The following ACSBG2 variants were observed in gnomAD, a reference collection of about 807,000 sequenced individuals.
ACSBG2 encodes the protein long-chain-fatty-acid--CoA ligase ACSBG2.
Under a neutral mutation model 74.7 loss-of-function variants are expected in ACSBG2, and 62 were observed. The ratio of observed to expected loss-of-function variants is 0.83; its 90% CI spans 0.68 to 1.03. The LOEUF (loss-of-function observed/expected upper bound fraction) is 1.03. Among genes scored for constraint, ACSBG2 ranks in the 50% least tolerant of loss-of-function variants. The pLI is 0.00. For missense variants in ACSBG2, 730 were observed against 817.6 expected (o/e 0.89, Z 1.31); for synonymous variants, 309 against 294.1 (o/e 1.05, Z -0.52).
At chr19:6,164,432 GC>G (rs1301933785) in intron 6 of ACSBG2, among the ~76,000 whole-genome samples, 20 of 143,388 alleles carry the variant, frequency 1.4e-4, no homozygotes, top group Middle Eastern at 3.7e-3. Context: ...ACTTTGAGGG[GC>G]CTTTTTTTTT....
chr19:6,188,780 AG>A (rs1335309127), intron 13 of ACSBG2, among the ~76,000 whole-genome samples: 1 of 151,526 alleles, frequency 6.6e-6, no homozygotes, highest in African/African-American at 2.4e-5. Context: ...CTGGAAAATT[AG>A]AGTCATTGAT....
chr19:6,182,548 G>A (rs965274835), intron 8 of ACSBG2, among the ~76,000 whole-genome samples: 3 of 152,162 alleles, frequency 2.0e-5, no homozygotes, highest in African/African-American at 7.2e-5. Flanking sequence ...ACCAGTTTAT[G>A]CCTCTCATCA....
At chr19:6,148,594 G>A (rs1318608973) in intron 3 of ACSBG2, among the ~76,000 whole-genome samples, 4 of 151,688 alleles carry the variant, frequency 2.6e-5, no homozygotes. Flanking sequence ...GCAATGACCT[G>A]TGATTGCACC....
intron 2 of ACSBG2, among the ~76,000 whole-genome samples, chr19:6,145,910 A>G (rs1406893148): frequency 6.6e-6 from 1 of 152,090 alleles, no homozygotes; most frequent in East Asian, 1.9e-4. Flanking sequence ...CTACTTCTTC[A>G]CATTTGCTCC....
intron 1 of ACSBG2, among the ~76,000 whole-genome samples, chr19:6,139,477 A>G (rs1568213111): frequency 6.6e-6 from 1 of 152,192 alleles, no homozygotes; most frequent in East Asian, 1.9e-4. Context: ...AATCACGTGC[A>G]TGTTACAGGG....
At chr19:6,149,473 T>TCAGAA (rs1191099737) in intron 3 of ACSBG2, among the ~76,000 whole-genome samples, 1 of 151,062 alleles carries the variant, frequency 6.6e-6, no homozygotes, top group African/African-American at 2.4e-5. Context: ...TCACCCACAT[T>TCAGAA]CAGAACAAGT....
intron 12 of ACSBG2, 69 bp from the exon 13 acceptor site, chr19:6,187,530 T>G: frequency 1.2e-6 from 2 of 1,606,036 alleles, no homozygotes; most frequent in South Asian, 2.2e-5. Flanking sequence ...GACCCACTTC[T>G]TGGTCTGTGG....
chr19:6,168,297 C>T (rs1032033673), intron 7 of ACSBG2, among the ~76,000 whole-genome samples: 2 of 152,156 alleles, frequency 1.3e-5, no homozygotes, highest in South Asian at 2.1e-4. Flanking sequence ...CAGCTTGTTC[C>T]CTCCCCTCCT....
intron 8 of ACSBG2, 78 bp from the exon 9 acceptor site, chr19:6,182,673 T>G: frequency 7.1e-7 from 1 of 1,400,882 alleles, no homozygotes; most frequent in Non-Finnish European, 9.8e-7. Flanking sequence ...TTGGGCAAAG[T>G]TGGGTGGATC....
In ACSBG2 at chr19:6,161,308, G is replaced by C. The variant is rs767368272; in HGVS notation, c.588+13G>C. On this transcript the variant is annotated intron_variant, in intron 6 of 14. Transcript: ENST00000588485. Reference sequence around the variant, plus strand: ...CAACTTGTACTCTGTAAGTGTGGGAGGTGGGCACTGGGGAAAGGGGAGGGC... The same window carrying C: ...CAACTTGTACTCTGTAAGTGTGGGACGTGGGCACTGGGGAAAGGGGAGGGC... 4.3e-6 allele frequency: 7 copies of C among 1,610,594 alleles called. No individual in the cohort carries two copies. In the East Asian group the frequency reaches 1.6e-4, roughly 36 times the overall value.
At chr19:6,136,265 G>A (rs1599959223) in intron 1 of ACSBG2, among the ~76,000 whole-genome samples, 1 of 151,842 alleles carries the variant, frequency 6.6e-6, no homozygotes, top group Non-Finnish European at 1.5e-5. Context: ...CTAATTTTTT[G>A]TATTTTTTAG....
At chr19:6,154,436 ATT>A (rs1225186609) in intron 4 of ACSBG2, among the ~76,000 whole-genome samples, 22 of 23,234 alleles carry the variant, frequency 9.5e-4, no homozygotes, top group South Asian at 7.3e-3. Flanking sequence ...GAGAGAGAAA[ATT>A]ATTATTATAT....
intron 7 of ACSBG2, 96 bp downstream of exon 7, chr19:6,166,111 A>C: frequency 1.3e-6 from 2 of 1,482,772 alleles, no homozygotes; most frequent in Non-Finnish European, 1.8e-6. Flanking sequence ...TCTAGTACGC[A>C]GTGTGGCTCC....
At position 6,151,732 on chromosome 19, in the gene ACSBG2, T is replaced by A; in HGVS notation, c.323T>A (p.Val108Asp). ...CTGGGTTTGGAGCGTTTCCACGGAG[T>A]TGGTATCCTGGGGTTTAACTCTGCA... ...IKLGLERFHGVGILGFNSAEW... is the reference protein window; with the variant it reads ...IKLGLERFHGDGILGFNSAEW... The change falls in exon 4 of 15, where the codon GTT (valine) becomes GAT (aspartate). Residue 108 changes from valine (V) to aspartate (D), a missense_variant. By Grantham distance (152) the Val-to-Asp change is radical. Coordinates refer to ENST00000588485, the MANE Select transcript of ACSBG2 (RefSeq NM_030924.5). The A allele has an allele frequency of 6.2e-7, 1 of 1,602,790 alleles. No homozygotes were observed. The highest frequency in any genetic ancestry group is 8.5e-7 in the Non-Finnish European group (1 of 1,174,434).
At chr19:6,183,324 G>T (rs191053316) in intron 10 of ACSBG2, 52 bp downstream of exon 10, 77 of 1,520,930 alleles carry the variant, frequency 5.1e-5, no homozygotes, top group Non-Finnish European at 6.5e-5. Flanking sequence ...GGGGTCAAGA[G>T]GGGGAAGGTG....
chr19:6,176,451 A>G lies in ACSBG2; in HGVS notation c.739-778A>G, dbSNP rs938093577. On this transcript the variant is annotated intron_variant, in intron 7 of 14. Coordinates refer to ENST00000588485, the MANE Select transcript of ACSBG2 (RefSeq NM_030924.5). ...TCCTGCCATCCACGTGATCTGTAAC[A>G]TAAGGGACAATCCAAGGTGCCTTAT... 6.6e-6 allele frequency: 9 copies of G among 1,371,578 alleles called. No homozygotes were observed. The African/African-American group carries it at 1.1e-4, about 16-fold the overall frequency. The allele number at this position is 1,371,578 out of a possible 1,614,324, so 85.0% of individuals were successfully genotyped here. A position where few individuals can be genotyped will look rare whatever the true frequency, so the allele number is the denominator to read the frequency against.
At chr19:6,149,008 G>A (rs957579519) in intron 3 of ACSBG2, among the ~76,000 whole-genome samples, 2 of 152,140 alleles carry the variant, frequency 1.3e-5, no homozygotes, top group African/African-American at 2.4e-5. Flanking sequence ...TCAGGAAGCT[G>A]AGGCAGGAGA....
At chr19:6,179,085 G>C (rs546796498) in intron 8 of ACSBG2, among the ~76,000 whole-genome samples, 3 of 152,224 alleles carry the variant, frequency 2.0e-5, no homozygotes, top group Admixed American at 2.0e-4. Flanking sequence ...AGGGAACTGT[G>C]GGCCACTAGA....
At chr19:6,150,726 T>C (rs992882314) in intron 3 of ACSBG2, among the ~76,000 whole-genome samples, 1 of 150,552 alleles carries the variant, frequency 6.6e-6, no homozygotes, top group African/African-American at 2.4e-5. Flanking sequence ...ATACAGAGAG[T>C]TTCAGTTTAG....
Sources: gnomAD v4.1 joint callset for allele counts (sites outside exome capture counted in the v4.1 genomes callset) on GRCh38, gnomAD v4.1.1 for gene constraint, MANE v1.5 for transcripts, NCBI Gene and HGNC (gene_info 2026-07-23, HGNC 2026-07-21) for gene names.